The following SS18L1 variants were observed in gnomAD, a reference collection of about 807,000 sequenced individuals.
SS18L1 encodes the protein SS18L1 subunit of BAF chromatin remodeling complex.
In SS18L1, 32 loss-of-function variants were observed where a neutral mutation model predicts 70.3. The observed-to-expected ratio is 0.46, with a 90% CI of 0.34 to 0.61. SS18L1 has a LOEUF of 0.61. Ranked by LOEUF, SS18L1 falls within the 20% of genes least tolerant of loss-of-function variation. The probability of loss-of-function intolerance (pLI) is 0.01; values close to 1 mark genes in which losing one functional copy is unlikely to be tolerated. For missense variants in SS18L1, 430 were observed against 542.1 expected (o/e 0.79, Z 2.05); for synonymous variants, 237 against 229.7 (o/e 1.03, Z -0.29).
chr20:62,168,169 C>T (rs2057468950), intron 8 of SS18L1, among the ~76,000 whole-genome samples: 1 of 151,972 alleles, frequency 6.6e-6, no homozygotes, highest in Non-Finnish European at 1.5e-5. Context: ...CTCTTGCCTT[C>T]CATCATTGAT....
chr20:62,174,460 A>G lies in SS18L1; in HGVS notation c.1037-57A>G. On this transcript the variant is annotated intron_variant, in intron 9 of 10. Coordinates refer to ENST00000331758, the MANE Select transcript of SS18L1 (RefSeq NM_198935.3). The surrounding 1 kb of genome is among the most constrained non-coding windows in gnomAD (Gnocchi z 4.1). Reference sequence around the variant, plus strand: ...TTAAAAAAAATTTTTAAGTTAAGAAAAAAAAAGAAAGAGGTGTCCGTTTTG... The same window carrying G: ...TTAAAAAAAATTTTTAAGTTAAGAAGAAAAAAGAAAGAGGTGTCCGTTTTG... The G allele has an allele frequency of 3.2e-6, 5 of 1,548,808 alleles. No homozygotes were observed. The highest frequency in any genetic ancestry group is 1.4e-5 in the African/African-American group (1 of 71,918).
Position 62,179,613 on chromosome 20 carries a change from A to G in SS18L1, c.*405A>G, listed in dbSNP as rs2057677916. On this transcript the variant is annotated 3_prime_UTR_variant, in exon 11 of 11. Transcript: ENST00000331758. ...GACGTTAGGTCTCATTTTCCTCCTC[A>G]TGCAGTGTTGTAGTGTGGGTTGTCA... 1 of 283,096 alleles carries G rather than the reference A, an allele frequency of 3.5e-6. No individual in the cohort carries two copies. Among genetic ancestry groups the G allele is most frequent in the Admixed American group, 4.9e-5 (1 of 20,308 alleles). 17.5% of individuals were successfully genotyped at this position (283,096 alleles called of 1,614,324 possible).
chr20:62,156,613 G>T (rs942747859), intron 1 of SS18L1, among the ~76,000 whole-genome samples: 8 of 152,258 alleles, frequency 5.3e-5, no homozygotes, highest in African/African-American at 1.7e-4. Context: ...CTCAGCTGGG[G>T]CTGTGGGTCC....
intron 1 of SS18L1, among the ~76,000 whole-genome samples, chr20:62,155,714 A>G (rs1436951196): frequency 6.6e-6 from 1 of 152,176 alleles, no homozygotes; most frequent in Non-Finnish European, 1.5e-5. Flanking sequence ...GGCGACCCTG[A>G]AAGGTGCCAG....
chr20:62,179,013 C>T (rs1195922530), intron 10 of SS18L1, among the ~76,000 whole-genome samples, 169 bp from the exon 11 acceptor site: 1 of 152,258 alleles, frequency 6.6e-6, no homozygotes, highest in African/African-American at 2.4e-5. Context: ...TTGTTAGCCC[C>T]AGGCTTGGCC....
At chr20:62,175,579 T>C in intron 10 of SS18L1, 8 of 429,050 alleles carry the variant, frequency 1.9e-5, no homozygotes, top group Non-Finnish European at 2.5e-5. Context: ...GGAGCCTCCT[T>C]TGAGAGAGTC....
intron 8 of SS18L1, among the ~76,000 whole-genome samples, chr20:62,169,046 C>T (rs2057483033): frequency 6.6e-6 from 1 of 152,062 alleles, no homozygotes; most frequent in Admixed American, 6.5e-5. Flanking sequence ...GCAGGAGCAT[C>T]GGGATGTGGT....
intron 1 of SS18L1, among the ~76,000 whole-genome samples, chr20:62,144,145 G>A (rs1344719314): frequency 1.3e-5 from 2 of 151,174 alleles, no homozygotes; most frequent in Non-Finnish European, 3.0e-5. Flanking sequence ...CTCGGGCCGG[G>A]GCACTGGGCG....
chr20:62,163,446 C>T lies in SS18L1; in HGVS notation c.557-12C>T. 1 of 1,611,810 alleles carries T rather than the reference C, an allele frequency of 6.2e-7. No homozygotes were observed. On this transcript the variant is annotated splice_polypyrimidine_tract_variant and intron_variant, in intron 5 of 10. Transcript: ENST00000331758. ...TCCCGGGGTGATGTGGGGCCTCTGT[C>T]CTGTCGTTCAGTCTCCATGATGCAG...
Position 62,174,458 on chromosome 20 carries a change from A to G in SS18L1, c.1037-59A>G. 1 of 1,539,976 alleles carries G rather than the reference A, an allele frequency of 6.5e-7. No homozygotes were observed. The highest frequency in any genetic ancestry group is 8.7e-7 in the Non-Finnish European group (1 of 1,145,244). ...TTTTAAAAAAAATTTTTAAGTTAAG[A>G]AAAAAAAAGAAAGAGGTGTCCGTTT... On this transcript the variant is annotated intron_variant, in intron 9 of 10. Transcript: ENST00000331758. This position sits in a 1 kb window ranked among gnomAD's most constrained non-coding sequence, Gnocchi z 4.1.
At chr20:62,151,576 C>T (rs895088031) in intron 1 of SS18L1, among the ~76,000 whole-genome samples, 8 of 152,174 alleles carry the variant, frequency 5.3e-5, no homozygotes, top group African/African-American at 1.7e-4. Flanking sequence ...GCCCCAGCCA[C>T]GAGCCCAGCC....
At chr20:62,169,438 G>A (rs527860694) in intron 8 of SS18L1, among the ~76,000 whole-genome samples, 1 of 152,316 alleles carries the variant, frequency 6.6e-6, no homozygotes, top group African/African-American at 2.4e-5. Flanking sequence ...CCGTCTGTAT[G>A]TACCTTTGAA....
Position 62,179,841 on chromosome 20 carries a change from G to A in SS18L1, c.*633G>A, listed in dbSNP as rs1018343983. 2.6e-5 allele frequency: 6 copies of A among 227,198 alleles called. No homozygotes were observed. Among genetic ancestry groups the A allele is most frequent in the South Asian group, 3.6e-4 (2 of 5,480 alleles). The allele number at this position is 227,198 out of a possible 1,614,324, so 14.1% of individuals were successfully genotyped here. ...AGAGCTTGCCCATTGCCTGTCTCTC[G>A]CCAATTCCGTTTATCCAAAAAGGTA... On this transcript the variant is annotated 3_prime_UTR_variant, in exon 11 of 11. Transcript: ENST00000331758.
chr20:62,152,817 C>G (rs2057157295), intron 1 of SS18L1, among the ~76,000 whole-genome samples: 1 of 152,154 alleles, frequency 6.6e-6, no homozygotes, highest in Non-Finnish European at 1.5e-5. Context: ...TAAACACAGA[C>G]ACATAAGAAA....
chr20:62,159,350 G>A lies in SS18L1; in HGVS notation c.147-527G>A, dbSNP rs1046490412. 2.6e-5 allele frequency among the ~76,000 whole-genome samples: 4 copies of A among 152,212 alleles called. No individual in the cohort carries two copies. Among genetic ancestry groups the A allele is most frequent in the African/African-American group, 9.6e-5 (4 of 41,458 alleles). Reference sequence around the variant, plus strand: ...CCTGGAGGTGGGAAGTGCGTGAATGGCCTCAGACACCCCTGGGTGTGGGTG... The same window carrying A: ...CCTGGAGGTGGGAAGTGCGTGAATGACCTCAGACACCCCTGGGTGTGGGTG... On this transcript the variant is annotated intron_variant, in intron 2 of 10. Transcript: ENST00000331758. This position sits in a 1 kb window ranked among gnomAD's most constrained non-coding sequence, Gnocchi z 4.4.
At chr20:62,172,646 G>C in intron 8 of SS18L1, 36 bp from the exon 9 acceptor site, 1 of 1,613,868 alleles carries the variant, frequency 6.2e-7, no homozygotes. Context: ...TAGCCCAGGT[G>C]GGGAAAGTCA....
At chr20:62,152,382 C>T (rs1188366303) in intron 1 of SS18L1, among the ~76,000 whole-genome samples, 1 of 152,354 alleles carries the variant, frequency 6.6e-6, no homozygotes, top group East Asian at 1.9e-4. Flanking sequence ...CCTCTGGCTC[C>T]TCCAGATGGA....
intron 1 of SS18L1, among the ~76,000 whole-genome samples, chr20:62,150,633 A>AAT (rs1199902967): frequency 0.017 from 1,016 of 58,064 alleles, 26 homozygotes; most frequent in Middle Eastern, 0.085. Context: ...ATTGAGGTGG[A>AAT]TTTTTTTTTT....
At chr20:62,155,290 G>A (rs1378268305) in intron 1 of SS18L1, among the ~76,000 whole-genome samples, 1 of 152,136 alleles carries the variant, frequency 6.6e-6, no homozygotes, top group Non-Finnish European at 1.5e-5. Context: ...GCACACACCT[G>A]TAGTCTCAGC....
Sources: allele counts gnomAD v4.1 joint callset (sites outside exome capture counted in the v4.1 genomes callset), GRCh38; gene constraint gnomAD v4.1.1; non-coding constraint Gnocchi (gnomAD v3.1); transcripts MANE v1.5; gene names NCBI Gene and HGNC (gene_info 2026-07-23, HGNC 2026-07-21).